The following ADK variants were observed in gnomAD, a reference collection of about 807,000 sequenced individuals.
The protein encoded by ADK is adenosine kinase, also known as N6,N6-dimethyladenosine kinase.
Under a neutral mutation model 44.7 loss-of-function variants are expected in ADK, and 24 were observed. The observed-to-expected ratio is 0.54, with a 90% CI of 0.39 to 0.76. The LOEUF is 0.76. Ranked by LOEUF, ADK falls within the 30% of genes least tolerant of loss-of-function variation. ADK has a pLI of 0.00. For missense variants in ADK, 321 were observed against 425.1 expected (o/e 0.76, Z 2.15); for synonymous variants, 128 against 142.6 (o/e 0.90, Z 0.73).
At chr10:74,411,372 A>G (rs1014403514) in intron 6 of ADK, among the ~76,000 whole-genome samples, 2 of 152,216 alleles carry the variant, frequency 1.3e-5, no homozygotes, top group African/African-American at 4.8e-5. Flanking sequence ...CTGTGTTAAC[A>G]TTTGAGTTAA....
chr10:74,440,146 A>C (rs1845347632), intron 6 of ADK, among the ~76,000 whole-genome samples: 1 of 152,096 alleles, frequency 6.6e-6, no homozygotes, highest in African/African-American at 2.4e-5. Flanking sequence ...GTATTGTTTA[A>C]ATAATTTTTT....
At chr10:74,403,438 C>G (rs978949972) in intron 6 of ADK, among the ~76,000 whole-genome samples, 4 of 152,148 alleles carry the variant, frequency 2.6e-5, no homozygotes, top group African/African-American at 9.7e-5. Context: ...CAAGCCTCAG[C>G]AATGGCGGGC....
chr10:74,513,443 T>G (rs1442911909), intron 6 of ADK, among the ~76,000 whole-genome samples: 1 of 152,180 alleles, frequency 6.6e-6, no homozygotes, highest in Non-Finnish European at 1.5e-5. Context: ...ATATTTACAG[T>G]TGTTATATTC....
chr10:74,705,226 G>A (rs945345833), intron 10 of ADK, among the ~76,000 whole-genome samples: 13 of 152,198 alleles, frequency 8.5e-5, no homozygotes, highest in African/African-American at 2.9e-4. Flanking sequence ...AGGCCCAGAA[G>A]CCTAGCTGCA....
intron 7 of ADK, among the ~76,000 whole-genome samples, chr10:74,571,274 CT>C (rs1850948587): frequency 6.6e-6 from 1 of 152,026 alleles, no homozygotes; most frequent in South Asian, 2.1e-4. Context: ...CTCTGCCAGG[CT>C]TTGGTATCAG....
intron 10 of ADK, among the ~76,000 whole-genome samples, chr10:74,704,484 T>G (rs1856530367): frequency 6.6e-6 from 1 of 152,236 alleles, no homozygotes; most frequent in Admixed American, 6.5e-5. Context: ...CAGATACTTT[T>G]TGAAGATTCC....
intron 2 of ADK, among the ~76,000 whole-genome samples, chr10:74,203,733 C>T (rs1223025825): frequency 6.7e-6 from 1 of 150,202 alleles, no homozygotes; most frequent in Non-Finnish European, 1.5e-5. Context: ...CAGGAAGTGT[C>T]AGTCCTCCAA....
rs550535811 is a variant in ADK, at chr10:74,516,965, A to G, written c.556-8291A>G. 6 of 157,362 alleles carry G rather than the reference A, an allele frequency of 3.8e-5. No individual in the cohort carries two copies. In the South Asian group the frequency reaches 1.2e-3, roughly 32 times the overall value. The allele number at this position is 157,362 out of a possible 1,614,324, so 9.7% of individuals were successfully genotyped here. ...ACATGGCTTGGGAGGCCTCAGAATCATGGTGGGAGGCAAAAACAGAAACCC... is the reference window on the plus strand; with the variant it reads ...ACATGGCTTGGGAGGCCTCAGAATCGTGGTGGGAGGCAAAAACAGAAACCC... On this transcript the variant is annotated intron_variant, in intron 6 of 10. Transcript: ENST00000539909.
intron 3 of ADK, among the ~76,000 whole-genome samples, chr10:74,237,130 T>C (rs1844996834): frequency 1.3e-5 from 2 of 152,220 alleles, no homozygotes; most frequent in Non-Finnish European, 1.5e-5. Flanking sequence ...TGCTGTCTGA[T>C]AGCATGTTAC....
At chr10:74,410,136 A>G (rs900266924) in intron 6 of ADK, among the ~76,000 whole-genome samples, 2 of 152,180 alleles carry the variant, frequency 1.3e-5, no homozygotes, top group African/African-American at 4.8e-5. Context: ...TTAAATAAAT[A>G]ATTTCTATTT....
intron 4 of ADK, among the ~76,000 whole-genome samples, chr10:74,368,367 A>C (rs2131965072): frequency 6.6e-6 from 1 of 151,644 alleles, no homozygotes; most frequent in South Asian, 2.1e-4. Context: ...TCTTGGCCCC[A>C]CAAAGTACTG....
chr10:74,201,949 T>G (rs1843411813), intron 2 of ADK, among the ~76,000 whole-genome samples: 1 of 152,170 alleles, frequency 6.6e-6, no homozygotes, highest in African/African-American at 2.4e-5. Context: ...CGCATAAAAT[T>G]GATCGTTTTA....
chr10:74,681,694 CAA>C (rs1261192355), intron 10 of ADK, among the ~76,000 whole-genome samples: 29 of 151,948 alleles, frequency 1.9e-4, no homozygotes, highest in Non-Finnish European at 3.7e-4. Context: ...ACTAAAAACA[CAA>C]AAAATTAGCC....
intron 3 of ADK, among the ~76,000 whole-genome samples, chr10:74,245,997 A>G (rs889766288): frequency 3.9e-5 from 6 of 152,108 alleles, no homozygotes; most frequent in African/African-American, 1.2e-4. Flanking sequence ...GCATTCTGTC[A>G]TGATGAGGAT....
At chr10:74,255,763 C>T (rs1179909284) in intron 3 of ADK, among the ~76,000 whole-genome samples, 3 of 152,214 alleles carry the variant, frequency 2.0e-5, no homozygotes, top group African/African-American at 4.8e-5. Flanking sequence ...AGCAAACTTA[C>T]TTTTGCAGTT....
intron 7 of ADK, among the ~76,000 whole-genome samples, chr10:74,547,485 T>A (rs1408231305): frequency 1.8e-3 from 87 of 48,656 alleles, no homozygotes; most frequent in African/African-American, 3.2e-3. Context: ...TATTTTATTA[T>A]TTTTTTTTTT....
intron 6 of ADK, among the ~76,000 whole-genome samples, chr10:74,516,097 G>A (rs1357484918): frequency 6.6e-6 from 1 of 152,138 alleles, no homozygotes; most frequent in African/African-American, 2.4e-5. Context: ...CTTAATCCAG[G>A]TCAGTGCGTC....
rs148211480 is a variant in ADK, at chr10:74,499,212, T to A, written c.556-26044T>A. 4.8e-3 allele frequency among the ~76,000 whole-genome samples: 727 copies of A among 152,194 alleles called. 7 individuals are homozygous for A. The highest frequency in any genetic ancestry group is 0.017 in the African/African-American group (692 of 41,530). On this transcript the variant is annotated intron_variant, in intron 6 of 10. Coordinates refer to ENST00000539909, the MANE Select transcript of ADK (RefSeq NM_006721.4). ...GACTACAGGCGTGTGCCATCACACC[T>A]GGCTAAATTCTGAGTTGTTTTTTAT...
At chr10:74,438,771 T>A in intron 6 of ADK, among the ~76,000 whole-genome samples, 1 of 152,202 alleles carries the variant, frequency 6.6e-6, no homozygotes, top group East Asian at 1.9e-4. Flanking sequence ...ATCATTAGTT[T>A]TATTTTCATC....
Sources: gnomAD v4.1 joint callset for allele counts (sites outside exome capture counted in the v4.1 genomes callset) on GRCh38, gnomAD v4.1.1 for gene constraint, MANE v1.5 for transcripts, NCBI Gene and HGNC (gene_info 2026-07-23, HGNC 2026-07-21) for gene names.